TBC1D22B: variants seen among roughly 807,000 people sequenced by gnomAD.
TBC1D22B encodes TBC1 domain family member 22B.
A neutral mutation model predicts 69.1 loss-of-function variants in TBC1D22B; 32 were observed. The observed-to-expected ratio is 0.46, with a 90% CI of 0.35 to 0.62. The LOEUF (loss-of-function observed/expected upper bound fraction) is 0.62, where lower values mean the gene tolerates loss of function less well. Among genes scored for constraint, TBC1D22B ranks in the 20% least tolerant of loss-of-function variants. The pLI is 0.00. For missense variants in TBC1D22B, 462 were observed against 630.9 expected (o/e 0.73, Z 2.87); for synonymous variants, 206 against 229.8 (o/e 0.90, Z 0.94).
chr6:37,304,947 G>T (rs1233818009), intron 8 of TBC1D22B, among the ~76,000 whole-genome samples: 2 of 152,240 alleles, frequency 1.3e-5, no homozygotes, highest in Non-Finnish European at 2.9e-5. Context: ...GCAGGAGGCA[G>T]GTTTTAAACC....
At chr6:37,267,538 T>C (rs904719248) in intron 1 of TBC1D22B, among the ~76,000 whole-genome samples, 3 of 121,760 alleles carry the variant, frequency 2.5e-5, no homozygotes, top group African/African-American at 9.6e-5. Flanking sequence ...ATATATATAA[T>C]ATATATATAC....
intron 8 of TBC1D22B, among the ~76,000 whole-genome samples, chr6:37,308,770 GT>G (rs1007123790): frequency 7.2e-5 from 11 of 152,140 alleles, no homozygotes; most frequent in African/African-American, 2.7e-4. Context: ...GGGATGGCAG[GT>G]ATATCAGTTA....
At chr6:37,260,522 C>T (rs181299501) in intron 1 of TBC1D22B, among the ~76,000 whole-genome samples, 195 of 152,248 alleles carry the variant, frequency 1.3e-3, no homozygotes, top group African/African-American at 4.5e-3. Context: ...TTAAAGTGTA[C>T]AATTCAGTGG....
At chr6:37,318,545 G>A (rs1170715333) in intron 12 of TBC1D22B, among the ~76,000 whole-genome samples, 2 of 152,292 alleles carry the variant, frequency 1.3e-5, no homozygotes, top group Admixed American at 6.5e-5. Flanking sequence ...GCTTAAAGCC[G>A]ACACACTGGA....
chr6:37,289,866 G>A lies in TBC1D22B; in HGVS notation c.868-1377G>A, dbSNP rs139885174. Among the ~76,000 whole-genome samples, 430 of 152,266 alleles carry A rather than the reference G, an allele frequency of 2.8e-3. 5 individuals are homozygous for A. Among genetic ancestry groups the A allele is most frequent in the African/African-American group, 9.4e-3 (392 of 41,560 alleles). On this transcript the variant is annotated intron_variant, in intron 7 of 12. Transcript: ENST00000373491. ...TTAGAGTGTTGGGCCGAATGCAAAT[G>A]AGGGTGCTATGCCTTTTCCTCAACT...
intron 8 of TBC1D22B, among the ~76,000 whole-genome samples, chr6:37,291,932 G>C (rs143470651): frequency 6.6e-6 from 1 of 152,170 alleles, no homozygotes; most frequent in Non-Finnish European, 1.5e-5. Flanking sequence ...TTTTCTTGTA[G>C]TCCCAGCCTC....
intron 12 of TBC1D22B, among the ~76,000 whole-genome samples, chr6:37,328,250 A>G (rs1768488329): frequency 6.6e-6 from 1 of 152,162 alleles, no homozygotes; most frequent in Non-Finnish European, 1.5e-5. Context: ...GGTTGCGGTG[A>G]ACTGAGATTG....
rs1032452222 is a variant in TBC1D22B at position 37,264,334 on chromosome 6, C to T, written c.57-5260C>T. 4.6e-5 allele frequency among the ~76,000 whole-genome samples: 7 copies of T among 152,062 alleles called. No homozygotes were observed. The East Asian group carries it at 5.8e-4, about 13-fold the overall frequency. The stretch of plus-strand genomic sequence containing the variant: ...GTTTGGTTTTGTTTTGTTTTTGACA[C>T]GGGGTTTCACTCTTGTTGCCCTGGC... On this transcript the variant is annotated intron_variant, in intron 1 of 12. Coordinates refer to ENST00000373491, the MANE Select transcript of TBC1D22B (RefSeq NM_017772.4).
intron 8 of TBC1D22B, among the ~76,000 whole-genome samples, chr6:37,305,041 T>C (rs1472088337): frequency 6.6e-6 from 1 of 152,164 alleles, no homozygotes; most frequent in African/African-American, 2.4e-5. Context: ...TGCAGTTAAT[T>C]TTTGATAGTC....
chr6:37,279,894 C>T (rs778187280), intron 3 of TBC1D22B, among the ~76,000 whole-genome samples: 1 of 152,208 alleles, frequency 6.6e-6, no homozygotes, highest in Non-Finnish European at 1.5e-5. Context: ...TGGTGGAGTC[C>T]ACAACTTCTC....
rs750605755 is a variant in TBC1D22B, at chr6:37,282,317, G to A, written c.554G>A (p.Arg185His). Residue 185 changes from arginine (R) to histidine (H), a missense_variant, in exon 4 of 13, where the codon CGC (arginine) becomes CAC (histidine). Coordinates refer to ENST00000373491, the MANE Select transcript of TBC1D22B (RefSeq NM_017772.4). ...APPMTVREKTRLEKFRQLLSS... is the reference protein window; with the variant it reads ...APPMTVREKTHLEKFRQLLSS... ...CCAATGACTGTCCGGGAGAAAACCC[G>A]CCTAGAAAAATTCCGTCAACTTCTC... 6 of 1,613,182 alleles carry A rather than the reference G, an allele frequency of 3.7e-6. No individual in the cohort carries two copies. The highest frequency in any genetic ancestry group is 1.1e-5 in the South Asian group (1 of 91,018).
rs142694647 is a variant in TBC1D22B, at chr6:37,299,547, A to G, written c.982+8190A>G. Among the ~76,000 whole-genome samples the G allele has an allele frequency of 7.2e-4, 110 of 152,332 alleles. 1 individual carries two copies. The highest frequency in any genetic ancestry group is 2.5e-3 in the African/African-American group (106 of 41,590). On this transcript the variant is annotated intron_variant, in intron 8 of 12. Coordinates refer to ENST00000373491, the MANE Select transcript of TBC1D22B (RefSeq NM_017772.4). ...TTAAGCTGTTACTATGTGCCAGGAG[A>G]TAGACATGGGCCTGCCCTTGTGGCA...
At chr6:37,289,850 TG>T (rs1232460069) in intron 7 of TBC1D22B, among the ~76,000 whole-genome samples, 2 of 152,062 alleles carry the variant, frequency 1.3e-5, no homozygotes, top group African/African-American at 4.8e-5. Context: ...ATTAGAGTGT[TG>T]GGCCGAATGC....
chr6:37,269,534 G>A, intron 1 of TBC1D22B, 60 bp from the exon 2 acceptor site: 1 of 1,555,458 alleles, frequency 6.4e-7, no homozygotes, highest in Non-Finnish European at 8.9e-7. Context: ...ATGGCACTTA[G>A]CCAACATATT....
chr6:37,329,667 G>A (rs762556503), intron 12 of TBC1D22B, among the ~76,000 whole-genome samples: 1 of 152,242 alleles, frequency 6.6e-6, no homozygotes, highest in Non-Finnish European at 1.5e-5. Flanking sequence ...CAGTCTAAGT[G>A]TAAGCAGTCC....
At chr6:37,262,973 C>T (rs1409060381) in intron 1 of TBC1D22B, among the ~76,000 whole-genome samples, 1 of 152,178 alleles carries the variant, frequency 6.6e-6, no homozygotes, top group Admixed American at 6.5e-5. Context: ...ATTTTGTCTG[C>T]GTGGCAGCAT....
chr6:37,267,331 C>T (rs201873163), intron 1 of TBC1D22B, among the ~76,000 whole-genome samples: 2 of 133,322 alleles, frequency 1.5e-5, no homozygotes, highest in African/African-American at 3.2e-5. Flanking sequence ...TATACACACA[C>T]ACATATATAA....
chr6:37,282,408 T>C (rs567818865), intron 4 of TBC1D22B, 44 bp downstream of exon 4: 8 of 1,526,672 alleles, frequency 5.2e-6, no homozygotes, highest in Admixed American at 4.4e-5. Flanking sequence ...TTTGGGTGAC[T>C]GGAATTCTCA....
chr6:37,286,087 C>T (rs994205525), intron 6 of TBC1D22B, among the ~76,000 whole-genome samples: 3 of 152,068 alleles, frequency 2.0e-5, no homozygotes, highest in African/African-American at 7.2e-5. Flanking sequence ...ACATACATGC[C>T]AGCCCAGAGT....
Sources: allele counts gnomAD v4.1 joint callset (sites outside exome capture counted in the v4.1 genomes callset), GRCh38; gene constraint gnomAD v4.1.1; transcripts MANE v1.5; gene names NCBI Gene and HGNC (gene_info 2026-07-23, HGNC 2026-07-21).